Variants in SH3D21 observed in about 807,000 individuals in gnomAD.
SH3D21 encodes manchette microtubule inner protein 1, also known as SH3 domain-containing protein 21.
SH3D21 carries 83 observed loss-of-function variants against 82.1 expected under a neutral mutation model. The observed-to-expected ratio is 1.01, with a 90% confidence interval of 0.85 to 1.21. SH3D21 has a LOEUF of 1.21. SH3D21 is among the 50% of genes most tolerant of loss of function. The pLI, the probability that SH3D21 is intolerant of heterozygous loss-of-function variation, is 0.00. For missense variants in SH3D21, 980 were observed against 962.1 expected, an observed-to-expected ratio of 1.02 and a Z score of -0.25; for synonymous variants, 383 against 387.8, an observed-to-expected ratio of 0.99 and a Z score of 0.15.
chr1:36,319,747 C>T lies in SH3D21; in HGVS notation c.1084C>T (p.Pro362Ser), dbSNP rs1646411747. 1 of 1,602,898 alleles carries T rather than the reference C, an allele frequency of 6.2e-7. No homozygotes were observed. The highest frequency in any genetic ancestry group is 8.5e-7 in the Non-Finnish European group (1 of 1,175,622). Residue 362 changes from proline to serine, a missense_variant, in exon 14 of 16, where the codon CCA becomes TCA. Coordinates refer to ENST00000453908, the MANE Select transcript of SH3D21 (RefSeq NM_001162530.2). ...CCCCATGCCGGACAAGACTGCCACCCCAGAGAGGCCCCCAGCTCCAGAGAA... is the reference window on the plus strand; with the variant it reads ...CCCCATGCCGGACAAGACTGCCACCTCAGAGAGGCCCCCAGCTCCAGAGAA... Reference protein sequence around the residue: ...RTPMPDKTATPERPPAPENAP... With the variant: ...RTPMPDKTATSERPPAPENAP...
rs1646128475 is a variant in SH3D21 at position 36,306,700 on chromosome 1, G to A, written c.107G>A (p.Trp36Ter). The A allele has an allele frequency of 4.6e-6, 6 of 1,294,770 alleles. No individual in the cohort carries two copies. The African/African-American group carries it at 9.1e-5, about 20-fold the overall frequency. The allele number at this position is 1,294,770 out of a possible 1,614,324, so 80.2% of individuals were successfully genotyped here. A position where few individuals can be genotyped will look rare whatever the true frequency, so the allele number is the denominator to read the frequency against. ...RQVRWVPARGWLRGEFGGRYG... is the reference protein window; with the variant it reads ...RQVRWVPARG ...GTGCGCTGGGTGCCCGCGCGGGGCT[G>A]GCTTCGCGGAGAGTTTGGGGGCCGC... Residue 36 changes from tryptophan (W) to a stop codon, truncating the protein, a stop_gained, in exon 2 of 16, where the codon TGG becomes TAG. Transcript: ENST00000453908. LOFTEE classifies it high-confidence loss of function. This position sits in a 1 kb window ranked among gnomAD's most constrained non-coding sequence, Gnocchi z 4.5.
In SH3D21 at chr1:36,320,565, GC is replaced by G; in HGVS notation, c.1907del (p.Pro636LeufsTer14). Reference sequence around the variant, plus strand: ...AGGAGGTGACCCTGAAAGAGGAATTGCCCCCTAAAGAGGAAGTGGCTCCAAA... The same window carrying G: ...AGGAGGTGACCCTGAAAGAGGAATTGCCCCTAAAGAGGAAGTGGCTCCAAA... ...KEEVTLKEEL[P>X]PKEEVAPKEE... is the part of the protein sequence containing the mutation. On this transcript the variant is annotated frameshift_variant, in exon 14 of 16. Transcript: ENST00000453908. LOFTEE classifies it high-confidence loss of function. 2 of 1,614,160 alleles carry G rather than the reference GC, an allele frequency of 1.2e-6. No homozygotes were observed. Among genetic ancestry groups the G allele is most frequent in the Non-Finnish European group, 1.7e-6 (2 of 1,180,028 alleles).
At chr1:36,311,305 A>G (rs546056285) in intron 10 of SH3D21, among the ~76,000 whole-genome samples, 35 of 150,866 alleles carry the variant, frequency 2.3e-4, no homozygotes, top group African/African-American at 7.8e-4. Context: ...CAGTGGCGCA[A>G]TCTGGGCTCA....
At chr1:36,323,731 G>C (rs1047890225), downstream of SH3D21, 1 of 152,126 alleles carries the variant, frequency 6.6e-6, no homozygotes, top group Non-Finnish European at 1.5e-5. Context: ...CAGCCGGGAG[G>C]AGGGAGAGCC....
At position 36,321,097 on chromosome 1, in the gene SH3D21, C is replaced by A. The variant is rs1646453606; in HGVS notation, c.2241C>A (p.Arg747=). The A allele has an allele frequency of 6.2e-7, 1 of 1,612,214 alleles. No homozygotes were observed. Among genetic ancestry groups the A allele is most frequent in the African/African-American group, 1.3e-5 (1 of 75,028 alleles). ...GGACCCAGAAGTCCCAGACCCCGCG[C>A]GTCATCCACACGCAGACGCAGACCT... The part of the protein sequence containing the change: ...MQGTQKSQTP[R]VIHTQTQTY Residue 747 remains arginine, a synonymous_variant, in exon 16 of 16, where the codon CGC becomes CGA. Transcript: ENST00000453908. The surrounding 1 kb of genome is among the most constrained non-coding windows in gnomAD (Gnocchi z 6.1).
At chr1:36,313,972 CTTTTTT>C (rs767624105) in intron 10 of SH3D21, among the ~76,000 whole-genome samples, 7 of 36,830 alleles carry the variant, frequency 1.9e-4, no homozygotes, top group South Asian at 4.8e-3. Flanking sequence ...AACATATTTT[CTTTTTT>C]TTTTTTTTTT....
Position 36,307,021 on chromosome 1 carries a change from T to G in SH3D21, c.226+116T>G. The G allele has an allele frequency of 7.0e-7, 1 of 1,431,812 alleles. No homozygotes were observed. The highest frequency in any genetic ancestry group is 9.2e-7 in the Non-Finnish European group (1 of 1,087,538). The allele number at this position is 1,431,812 out of a possible 1,614,324, so 88.7% of individuals were successfully genotyped here. On this transcript the variant is annotated intron_variant, in intron 3 of 15. Coordinates refer to ENST00000453908, the MANE Select transcript of SH3D21 (RefSeq NM_001162530.2). This position sits in a 1 kb window ranked among gnomAD's most constrained non-coding sequence, Gnocchi z 5.4. ...TCTGGGCGGGACCTCGGGGCCGCCC[T>G]GCGGTCTGTGATTGGTTCTCGAGTG...
At position 36,306,372 on chromosome 1, in the gene SH3D21, C is replaced by T. The variant is rs767874755; in HGVS notation, c.-49C>T. ...GGTCGCACCCTGCGCGGGCCCAGTACTCGGCCGTCAGAGGGAGCTGCCAGG... is the reference window on the plus strand; with the variant it reads ...GGTCGCACCCTGCGCGGGCCCAGTATTCGGCCGTCAGAGGGAGCTGCCAGG... On this transcript the variant is annotated 5_prime_UTR_variant, in exon 1 of 16. Transcript: ENST00000453908. This position sits in a 1 kb window ranked among gnomAD's most constrained non-coding sequence, Gnocchi z 4.5. 3.1e-6 allele frequency: 4 copies of T among 1,305,168 alleles called. No individual in the cohort carries two copies. Among genetic ancestry groups the T allele is most frequent in the South Asian group, 2.5e-5 (2 of 81,040 alleles). The allele number at this position is 1,305,168 out of a possible 1,614,324, so 80.8% of individuals were successfully genotyped here.
intron 10 of SH3D21, among the ~76,000 whole-genome samples, chr1:36,310,529 C>A (rs1646217644): frequency 6.6e-6 from 1 of 151,596 alleles, no homozygotes; most frequent in Non-Finnish European, 1.5e-5. Flanking sequence ...GCAGGAGAAT[C>A]ACTTGAACCA....
rs754797056 is a variant in SH3D21 at position 36,321,005 on chromosome 1, G to C, written c.2199+27G>C. ...TGAGGCGCGGGTCCCGGCGGGAGGG[G>C]GCTGACGGCGAGTGGCCCCCTGACA... On this transcript the variant is annotated intron_variant, in intron 15 of 15. Transcript: ENST00000453908. This position sits in a 1 kb window ranked among gnomAD's most constrained non-coding sequence, Gnocchi z 6.1. The C allele has an allele frequency of 6.3e-7, 1 of 1,576,426 alleles. No homozygotes were observed. The highest frequency in any genetic ancestry group is 1.9e-5 in the Admixed American group (1 of 53,880).
intron 10 of SH3D21, among the ~76,000 whole-genome samples, chr1:36,310,375 A>G (rs1377693458): frequency 6.6e-6 from 1 of 152,180 alleles, no homozygotes; most frequent in Non-Finnish European, 1.5e-5. Context: ...GCACTTTGGG[A>G]GGCCAAGTCA....
downstream of SH3D21, chr1:36,327,608 G>C (rs888971292): frequency 4.4e-6 from 5 of 1,142,394 alleles, no homozygotes; most frequent in East Asian, 3.0e-4. Context: ...TATGTGTTTG[G>C]AGTGGGTCAG....
At chr1:36,320,855 C>T (rs1646444872) in intron 14 of SH3D21, 57 bp downstream of exon 14, 1 of 1,550,320 alleles carries the variant, frequency 6.5e-7, no homozygotes, top group African/African-American at 1.4e-5. Flanking sequence ...CCCTCACCTG[C>T]GCAGCCCCTC....
In SH3D21 at chr1:36,307,015, C is replaced by T. The variant is rs1051367608; in HGVS notation, c.226+110C>T. On this transcript the variant is annotated intron_variant, in intron 3 of 15. Coordinates refer to ENST00000453908, the MANE Select transcript of SH3D21 (RefSeq NM_001162530.2). This position sits in a 1 kb window ranked among gnomAD's most constrained non-coding sequence, Gnocchi z 5.4. Reference sequence around the variant, plus strand: ...CGCGGCTCTGGGCGGGACCTCGGGGCCGCCCTGCGGTCTGTGATTGGTTCT... The same window carrying T: ...CGCGGCTCTGGGCGGGACCTCGGGGTCGCCCTGCGGTCTGTGATTGGTTCT... 1.4e-6 allele frequency: 2 copies of T among 1,421,404 alleles called. No individual in the cohort carries two copies. The highest frequency in any genetic ancestry group is 2.9e-5 in the Admixed American group (1 of 33,982). The allele number at this position is 1,421,404 out of a possible 1,614,324, so 88.0% of individuals were successfully genotyped here. A position where few individuals can be genotyped will look rare whatever the true frequency, so the allele number is the denominator to read the frequency against.
downstream of SH3D21, chr1:36,323,367 A>C: frequency 3.8e-6 from 1 of 264,750 alleles, no homozygotes; most frequent in Non-Finnish European, 7.2e-6. Flanking sequence ...CTGAGCCTCC[A>C]CGCCCCAGGC....
At chr1:36,318,481 TGA>T (rs1646381219) in intron 10 of SH3D21, among the ~76,000 whole-genome samples, 1 of 152,078 alleles carries the variant, frequency 6.6e-6, no homozygotes, top group Admixed American at 6.6e-5. Flanking sequence ...TAAAGAATTC[TGA>T]GAGTGGGCTG....
chr1:36,307,983 G>A lies in SH3D21; in HGVS notation c.538+20G>A. On this transcript the variant is annotated intron_variant, in intron 7 of 15. Transcript: ENST00000453908. This position sits in a 1 kb window ranked among gnomAD's most constrained non-coding sequence, Gnocchi z 5.4. ...AGACAGGTGAGCACCCATCCAAAGG[G>A]TCCCCCACTCCCTCAGCCACTCCCA... 1 of 1,551,566 alleles carries A rather than the reference G, an allele frequency of 6.4e-7. No individual in the cohort carries two copies. Among genetic ancestry groups the A allele is most frequent in the Non-Finnish European group, 8.7e-7 (1 of 1,147,002 alleles).
intron 10 of SH3D21, among the ~76,000 whole-genome samples, chr1:36,314,910 C>G (rs957203232): frequency 6.6e-6 from 1 of 152,144 alleles, no homozygotes; most frequent in African/African-American, 2.4e-5. Flanking sequence ...TGCTGATCCT[C>G]ACAGTTTGCC....
chr1:36,324,049 C>G (rs570640163), downstream of SH3D21: 3 of 152,424 alleles, frequency 2.0e-5, no homozygotes, highest in East Asian at 5.8e-4. Context: ...ACCGCTCCCC[C>G]TCCTAGGAGG....
Sources: allele counts gnomAD v4.1 joint callset (sites outside exome capture counted in the v4.1 genomes callset), GRCh38; gene constraint gnomAD v4.1.1; non-coding constraint Gnocchi (gnomAD v3.1); transcripts MANE v1.5; gene names NCBI Gene and HGNC (gene_info 2026-07-23, HGNC 2026-07-21).